Variants in MYO7B observed in about 807,000 individuals in gnomAD.
MYO7B encodes the protein myosin VIIB, also known as unconventional myosin-VIIb.
In MYO7B, 212 loss-of-function variants were observed where a neutral mutation model predicts 259.7. The observed-to-expected ratio is 0.82, with a 90% CI of 0.73 to 0.91. The LOEUF is 0.91. Ranked by LOEUF, MYO7B falls within the 40% of genes least tolerant of loss-of-function variation. MYO7B has a pLI of 0.00. For synonymous variants in MYO7B, 1,197 were observed against 1,166.4 expected, an observed-to-expected ratio of 1.03 and a Z score of -0.54; for missense variants, 2,732 against 2,813.5, an observed-to-expected ratio of 0.97 and a Z score of 0.66.
Position 127,623,268 on chromosome 2 carries a change from C to T in MYO7B, c.3712C>T (p.Pro1238Ser). Residue 1238 changes from proline (P) to serine (S), a missense_variant, in exon 29 of 48, where the codon CCC becomes TCC. This residue lies in a region of MYO7B where 1,906 missense variants were observed against 2,026.4 expected (regional missense o/e 0.94). Transcript: ENST00000409816. ...ILATGESLTV[P>S]VDSASTSREM... ...GGCCACTGGAGAGAGCCTAACCGTCCCCGTGGACTCAGCCTCCACATCTCG... is the reference window on the plus strand; with the variant it reads ...GGCCACTGGAGAGAGCCTAACCGTCTCCGTGGACTCAGCCTCCACATCTCG... 6.2e-7 allele frequency: 1 copy of T among 1,613,638 alleles called. No homozygotes were observed. Among genetic ancestry groups the T allele is most frequent in the South Asian group, 1.1e-5 (1 of 91,086 alleles).
At chr2:127,616,822 A>AG (rs1491097607) in intron 26 of MYO7B, among the ~76,000 whole-genome samples, 1 of 152,128 alleles carries the variant, frequency 6.6e-6, no homozygotes, top group East Asian at 1.9e-4. Flanking sequence ...ATTTCCCGAC[A>AG]GGGGGGTGCC....
chr2:127,590,300 C>A lies in MYO7B; in HGVS notation c.1992+71C>A. On this transcript the variant is annotated intron_variant, in intron 16 of 47. Transcript: ENST00000409816. This position sits in a 1 kb window ranked among gnomAD's most constrained non-coding sequence, Gnocchi z 4.6. ...GGCTGATGGCCTCTAGGGTTGTGGTCACTCCCTCTGCCAGGGCCTGGCTAG... is the reference window on the plus strand; with the variant it reads ...GGCTGATGGCCTCTAGGGTTGTGGTAACTCCCTCTGCCAGGGCCTGGCTAG... 6.3e-7 allele frequency: 1 copy of A among 1,598,004 alleles called. No homozygotes were observed. The highest frequency in any genetic ancestry group is 1.1e-5 in the South Asian group (1 of 89,900).
chr2:127,554,605 T>C (rs954955100), intron 1 of MYO7B, among the ~76,000 whole-genome samples: 2 of 152,242 alleles, frequency 1.3e-5, no homozygotes, highest in Non-Finnish European at 2.9e-5. Flanking sequence ...TAGAATAAGT[T>C]AGGGAGGATT....
intron 6 of MYO7B, among the ~76,000 whole-genome samples, chr2:127,570,955 C>T (rs1396512033): frequency 1.3e-5 from 2 of 152,158 alleles, no homozygotes; most frequent in African/African-American, 2.4e-5. Flanking sequence ...AGTAGAATTC[C>T]ATTGCGTGAA....
chr2:127,544,208 C>T (rs1421435741), intron 1 of MYO7B, among the ~76,000 whole-genome samples: 1 of 152,252 alleles, frequency 6.6e-6, no homozygotes, highest in Middle Eastern at 3.4e-3. Flanking sequence ...TCTCAAGTAG[C>T]TGGGACCACA....
intron 15 of MYO7B, among the ~76,000 whole-genome samples, chr2:127,589,556 GTGGGTGGA>G (rs1444463094): frequency 1.3e-5 from 2 of 148,684 alleles, no homozygotes; most frequent in Non-Finnish European, 3.0e-5. Flanking sequence ...GGATGGGTGA[GTGGGTGGA>G]TGGGTGGTGA....
rs530718322 is a variant in MYO7B at position 127,584,069 on chromosome 2, C to T, written c.1344-53C>T. 4.3e-5 allele frequency: 66 copies of T among 1,518,262 alleles called. No homozygotes were observed. The South Asian group carries it at 5.2e-4, about 12-fold the overall frequency. 94.0% of individuals were successfully genotyped at this position (1,518,262 alleles called of 1,614,324 possible). On this transcript the variant is annotated intron_variant, in intron 12 of 47. Coordinates refer to ENST00000409816, the MANE Select transcript of MYO7B (RefSeq NM_001393586.1). This position sits in a 1 kb window ranked among gnomAD's most constrained non-coding sequence, Gnocchi z 5.8. ...ATCCTATGGCTCCAGCCTGCTGCAG[C>T]GGGGACTCAGCTGGCCCCACTCCAC... is the stretch of plus-strand genomic sequence containing the variant.
intron 21 of MYO7B, among the ~76,000 whole-genome samples, chr2:127,608,376 G>C (rs150119928): frequency 2.6e-5 from 4 of 152,274 alleles, no homozygotes; most frequent in African/African-American, 9.6e-5. Flanking sequence ...GGGACCAAGT[G>C]GTCCTGAGCA....
chr2:127,625,421 C>T lies in MYO7B; in HGVS notation c.4101C>T (p.Ala1367=). ...LARHCYVQLG[A]SAESKAVQEL... ...GGCACTGCTACGTGCAGCTCGGCGC[C>T]TCAGCAGAGAGCAAGGCTGTCCAGG... is the stretch of plus-strand genomic sequence containing the variant. The change falls in exon 31 of 48, where the codon GCC becomes GCT. Residue 1367 remains alanine (A), a synonymous_variant. Coordinates refer to ENST00000409816, the MANE Select transcript of MYO7B (RefSeq NM_001393586.1). The T allele has an allele frequency of 6.2e-7, 1 of 1,610,504 alleles. No homozygotes were observed. Among genetic ancestry groups the T allele is most frequent in the Non-Finnish European group, 8.5e-7 (1 of 1,179,020 alleles).
At position 127,564,270 on chromosome 2, in the gene MYO7B, A is replaced by T; in HGVS notation, c.132+4A>T. On this transcript the variant is annotated splice_donor_region_variant and intron_variant, in intron 3 of 47. Coordinates refer to ENST00000409816, the MANE Select transcript of MYO7B (RefSeq NM_001393586.1). ...GGTTGAAGATGACGAGGGCAAGGTC[A>T]GTGTTCTGGGGTTTCCTCTGGGCCC... 6.4e-7 allele frequency: 1 copy of T among 1,560,798 alleles called. No homozygotes were observed. Among genetic ancestry groups the T allele is most frequent in the African/African-American group, 1.4e-5 (1 of 73,814 alleles).
chr2:127,569,754 T>C (rs768103326), intron 5 of MYO7B, 35 bp from the exon 6 acceptor site: 13 of 1,584,024 alleles, frequency 8.2e-6, no homozygotes, highest in Non-Finnish European at 1.1e-5. Context: ...AATAGTCGTT[T>C]TGTGGCATCA....
At chr2:127,574,145 C>G (rs1350838046) in intron 7 of MYO7B, 83 bp downstream of exon 7, 10 of 1,544,926 alleles carry the variant, frequency 6.5e-6, no homozygotes, top group Non-Finnish European at 8.8e-7. Flanking sequence ...TCTCACCTCT[C>G]CTCCCCTCTT....
rs775172263 is a variant in MYO7B at position 127,578,178 on chromosome 2, G to A, written c.895G>A (p.Ala299Thr). 1.1e-5 allele frequency: 17 copies of A among 1,613,684 alleles called. No homozygotes were observed. In the East Asian group the frequency reaches 1.1e-4, roughly 11 times the overall value. Reference protein sequence around the residue: ...CEGLNDAKDYAHIRSAMKILQ... With the variant: ...CEGLNDAKDYTHIRSAMKILQ... ...GGGGCTCAACGACGCCAAGGACTAC[G>A]CCCACATCCGCTCGGCCATGAAGAT... is the stretch of plus-strand genomic sequence containing the variant. The change falls in exon 9 of 48, where the codon GCC becomes ACC. Residue 299 changes from alanine (A) to threonine (T), a missense_variant. Transcript: ENST00000409816.
At chr2:127,547,888 A>T (rs1693297512) in intron 1 of MYO7B, among the ~76,000 whole-genome samples, 1 of 152,188 alleles carries the variant, frequency 6.6e-6, no homozygotes, top group Non-Finnish European at 1.5e-5. Context: ...GATACTATGG[A>T]GAATTAGGCT....
chr2:127,537,676 A>G (rs1692838368), intron 1 of MYO7B, among the ~76,000 whole-genome samples: 3 of 151,888 alleles, frequency 2.0e-5, no homozygotes, highest in Admixed American at 2.0e-4. Context: ...AAGGAATAGG[A>G]GGAGGAGGAA....
Position 127,612,608 on chromosome 2 carries a change from G to C in MYO7B, c.3398+5G>C, listed in dbSNP as rs761260594. 1 of 1,609,972 alleles carries C rather than the reference G, an allele frequency of 6.2e-7. No homozygotes were observed. The highest frequency in any genetic ancestry group is 8.5e-7 in the Non-Finnish European group (1 of 1,178,794). ...CATCCTGCGGCCCAGCCTCAGGTCA[G>C]TTCCCACTCCCATCCCGGCCCCATT... On this transcript the variant is annotated splice_donor_5th_base_variant and intron_variant, in intron 26 of 47. Coordinates refer to ENST00000409816, the MANE Select transcript of MYO7B (RefSeq NM_001393586.1).
rs112788264 is a variant in MYO7B, at chr2:127,597,782, C to T, written c.2339+1226C>T. On this transcript the variant is annotated intron_variant, in intron 19 of 47. Coordinates refer to ENST00000409816, the MANE Select transcript of MYO7B (RefSeq NM_001393586.1). This position sits in a 1 kb window ranked among gnomAD's most constrained non-coding sequence, Gnocchi z 4.8. ...CCAAAGTAGCTGGTACTACTACAGG[C>T]GCCCGCCACCATGCCTGGCTAATTA... Among the ~76,000 whole-genome samples the T allele has an allele frequency of 3.3e-5, 5 of 151,904 alleles. No individual in the cohort carries two copies. The highest frequency in any genetic ancestry group is 1.3e-4 in the Admixed American group (2 of 15,234).
In MYO7B at chr2:127,607,396, G is replaced by A. The variant is rs772262646; in HGVS notation, c.2615G>A (p.Arg872Gln). The A allele has an allele frequency of 1.4e-5, 21 of 1,551,076 alleles. No individual in the cohort carries two copies. The highest frequency in any genetic ancestry group is 1.7e-4 in the Middle Eastern group (1 of 5,996). ...IQAHARGMAA[R>Q]RNFQQRKANA... The stretch of plus-strand genomic sequence containing the variant: ...GCCCATGCCAGGGGCATGGCTGCCC[G>A]GCGCAACTTCCAGCAAAGGAAGGCC... Residue 872 changes from arginine to glutamine, a missense_variant, in exon 21 of 48, where the codon CGG becomes CAG. By Grantham distance (43) the Arg-to-Gln change is conservative. Transcript: ENST00000409816. The surrounding 1 kb of genome is among the most constrained non-coding windows in gnomAD (Gnocchi z 4.4).
chr2:127,575,710 A>AT (rs1678840926), intron 7 of MYO7B, among the ~76,000 whole-genome samples: 2 of 152,070 alleles, frequency 1.3e-5, no homozygotes, highest in African/African-American at 4.8e-5. Context: ...AGGAGCTCTC[A>AT]TTTTTTTGTT....
Sources: gnomAD v4.1 joint callset for allele counts (sites outside exome capture counted in the v4.1 genomes callset) on GRCh38, gnomAD v4.1.1 for gene constraint, gnomAD v4.1.1 regional missense constraint, Gnocchi (gnomAD v3.1) non-coding constraint, MANE v1.5 for transcripts, NCBI Gene and HGNC (gene_info 2026-07-23, HGNC 2026-07-21) for gene names.